TENM4: variants seen among roughly 807,000 people sequenced by gnomAD.
The protein encoded by TENM4 is teneurin-4.
Under a neutral mutation model 243.3 loss-of-function variants are expected in TENM4, and 82 were observed. That is an observed-to-expected ratio of 0.34 (90% CI 0.28 to 0.40). The LOEUF (loss-of-function observed/expected upper bound fraction) is 0.40. TENM4 is among the 10% of genes least tolerant of loss of function. The pLI is 1.00. For synonymous variants in TENM4, 1,412 were observed against 1,456.3 expected (o/e 0.97, Z 0.69); for missense variants, 3,138 against 3,673.3 (o/e 0.85, Z 3.77).
chr11:79,004,754 G>A (rs934152249), intron 6 of TENM4, among the ~76,000 whole-genome samples: 2 of 151,980 alleles, frequency 1.3e-5, no homozygotes, highest in South Asian at 2.1e-4. Context: ...CAACATCAGA[G>A]CTGAATGGAA....
At chr11:79,398,611 G>A (rs536985210) in intron 1 of TENM4, among the ~76,000 whole-genome samples, 53 of 152,134 alleles carry the variant, frequency 3.5e-4, no homozygotes, top group African/African-American at 1.0e-3. Context: ...ACCTGGGTTA[G>A]GCTACTAAAT....
intron 23 of TENM4, among the ~76,000 whole-genome samples, chr11:78,724,531 C>A (rs1855471896): frequency 6.6e-6 from 1 of 152,184 alleles, no homozygotes; most frequent in Non-Finnish European, 1.5e-5. Flanking sequence ...TTTCCCAATA[C>A]TAAGTTCTAA....
intron 27 of TENM4, 22 bp from the exon 28 acceptor site, chr11:78,702,425 C>A: frequency 6.3e-7 from 1 of 1,594,384 alleles, no homozygotes; most frequent in Non-Finnish European, 8.5e-7. Flanking sequence ...GACACCGATA[C>A]TCAAATGACT....
intron 4 of TENM4, among the ~76,000 whole-genome samples, chr11:79,127,235 C>A (rs10793365): frequency 0.92 from 140,667 of 152,260 alleles, 65,602 homozygotes; most frequent in Middle Eastern, 1. Context: ...ACAGTAAATC[C>A]AAAATAATAT....
rs916616899 is a variant in TENM4, at chr11:78,657,722, C to T, written c.*336G>A. The stretch of plus-strand genomic sequence containing the variant: ...ATCACACTGGGTACCTAGGGACAGA[C>T]GAGGACACACCCCAGGAGATGCATC... On this transcript the variant is annotated 3_prime_UTR_variant, in exon 34 of 34. Transcript: ENST00000278550. The T allele has an allele frequency of 3.0e-5, 13 of 433,640 alleles. No individual in the cohort carries two copies. The highest frequency in any genetic ancestry group is 8.0e-5 in the African/African-American group (4 of 49,782). 26.9% of individuals were successfully genotyped at this position (433,640 alleles called of 1,614,324 possible).
intron 6 of TENM4, among the ~76,000 whole-genome samples, chr11:78,906,671 C>T (rs1164332793): frequency 6.6e-6 from 1 of 152,178 alleles, no homozygotes; most frequent in Admixed American, 6.5e-5. Context: ...TCAACTGCCT[C>T]CCCGTCCAGA....
intron 27 of TENM4, among the ~76,000 whole-genome samples, chr11:78,703,076 T>A (rs1859148528): frequency 6.6e-6 from 1 of 152,204 alleles, no homozygotes; most frequent in Admixed American, 6.5e-5. Context: ...ATTCAAATTA[T>A]CTGTGGCGAT....
chr11:79,089,986 G>A (rs979963982), intron 4 of TENM4, among the ~76,000 whole-genome samples: 4 of 152,208 alleles, frequency 2.6e-5, no homozygotes, highest in Non-Finnish European at 5.9e-5. Flanking sequence ...GGTGATAAAG[G>A]TCAGCTACAT....
chr11:79,246,998 A>C (rs200682371), intron 2 of TENM4, among the ~76,000 whole-genome samples: 21 of 111,468 alleles, frequency 1.9e-4, no homozygotes, highest in African/African-American at 6.8e-4. Context: ...AAAAAAAAAA[A>C]CACCCCCCCA....
chr11:78,784,443 C>G (rs987666813), intron 16 of TENM4, among the ~76,000 whole-genome samples: 2 of 152,108 alleles, frequency 1.3e-5, no homozygotes, highest in African/African-American at 4.8e-5. Flanking sequence ...GGGGACGCAG[C>G]TGGCCACGGG....
chr11:78,866,611 G>A (rs1441549470), intron 9 of TENM4, among the ~76,000 whole-genome samples: 4 of 152,106 alleles, frequency 2.6e-5, no homozygotes, highest in Non-Finnish European at 5.9e-5. Context: ...GGGAGACATG[G>A]GGGGAGGGGT....
At chr11:79,187,861 G>A (rs1863407068) in intron 3 of TENM4, among the ~76,000 whole-genome samples, 1 of 152,160 alleles carries the variant, frequency 6.6e-6, no homozygotes, top group African/African-American at 2.4e-5. Flanking sequence ...AACCAACCCT[G>A]CAGGCACCTT....
intron 4 of TENM4, among the ~76,000 whole-genome samples, chr11:79,119,370 T>C (rs1057414878): frequency 1.3e-5 from 2 of 151,034 alleles, no homozygotes; most frequent in Non-Finnish European, 3.0e-5. Context: ...ATCATTATCA[T>C]TATTGTCCTT....
Position 78,801,885 on chromosome 11 carries a change from G to A in TENM4, c.2179+3407C>T, listed in dbSNP as rs1402116064. 4.6e-5 allele frequency among the ~76,000 whole-genome samples: 7 copies of A among 152,198 alleles called. No homozygotes were observed. The South Asian group carries it at 6.2e-4, about 13-fold the overall frequency. On this transcript the variant is annotated intron_variant, in intron 15 of 33. Transcript: ENST00000278550. The stretch of plus-strand genomic sequence containing the variant: ...CATAAGCAAGATGACTTGAGCTACC[G>A]TTTGTCTAGGGTGTGAGCTGTGCCA...
chr11:78,798,199 C>T (rs1288845873), intron 15 of TENM4, among the ~76,000 whole-genome samples: 1 of 152,204 alleles, frequency 6.6e-6, no homozygotes, highest in Non-Finnish European at 1.5e-5. Flanking sequence ...TTGAATTTAG[C>T]TCTAGTGCAA....
At chr11:79,254,830 T>C (rs980294922) in intron 2 of TENM4, among the ~76,000 whole-genome samples, 1 of 152,164 alleles carries the variant, frequency 6.6e-6, no homozygotes, top group Non-Finnish European at 1.5e-5. Context: ...AGTGGGTTTA[T>C]TTGACAAGCT....
chr11:78,830,900 A>G (rs2136146192), intron 12 of TENM4, among the ~76,000 whole-genome samples: 1 of 152,344 alleles, frequency 6.6e-6, no homozygotes, highest in East Asian at 1.9e-4. Context: ...GTTTTTAATA[A>G]TAAAGTGATG....
rs541831608 is a variant in TENM4, at chr11:79,378,194, A to G, written c.-321+62315T>C. Among the ~76,000 whole-genome samples, 6 of 152,356 alleles carry G rather than the reference A, an allele frequency of 3.9e-5. No homozygotes were observed. The South Asian group carries it at 1.2e-3, about 32-fold the overall frequency. ...CCAGGAACTAATGCTTTTCTGTCTC[A>G]TAGGAAATCTTGTGCATGCCTGGAT... On this transcript the variant is annotated intron_variant, in intron 1 of 33. Transcript: ENST00000278550.
chr11:79,258,378 GCC>G (rs1466538256), intron 2 of TENM4, among the ~76,000 whole-genome samples: 1 of 152,120 alleles, frequency 6.6e-6, no homozygotes, highest in Non-Finnish European at 1.5e-5. Flanking sequence ...CCATTTTCCA[GCC>G]TCCCCAAGCT....
Sources: gnomAD v4.1 joint callset for allele counts (sites outside exome capture counted in the v4.1 genomes callset) on GRCh38, gnomAD v4.1.1 for gene constraint, MANE v1.5 for transcripts, NCBI Gene and HGNC (gene_info 2026-07-23, HGNC 2026-07-21) for gene names.